Variants in FGF11 observed in about 807,000 individuals in gnomAD.
FGF11 encodes the protein fibroblast growth factor homologous factor 3.
A neutral mutation model predicts 25.1 loss-of-function variants in FGF11; 25 were observed. The observed-to-expected ratio is 1.00, with a 90% confidence interval of 0.73 to 1.39. FGF11 has a LOEUF of 1.39. Ranked by LOEUF, FGF11 falls within the 40% of genes most tolerant of loss-of-function variation. The pLI is 0.00. For synonymous variants in FGF11, 130 were observed against 128.9 expected, an observed-to-expected ratio of 1.01 and a Z score of -0.06; for missense variants, 320 against 311.0, an observed-to-expected ratio of 1.03 and a Z score of -0.22.
rs1908259108 is a variant in FGF11 at position 7,440,280 on chromosome 17, C to G, written c.193+467C>G. 6.5e-6 allele frequency: 1 copy of G among 154,520 alleles called. No homozygotes were observed. Among genetic ancestry groups the G allele is most frequent in the African/African-American group, 2.4e-5 (1 of 41,424 alleles). 9.6% of individuals were successfully genotyped at this position (154,520 alleles called of 1,614,324 possible). A position where few individuals can be genotyped will look rare whatever the true frequency, so the allele number is the denominator to read the frequency against. ...GCTCCTCCACGCCTGGGCTCGGTTC[C>G]TCCTGGTCGAGCTCTGCTGGCTCCG... On this transcript the variant is annotated intron_variant, in intron 1 of 4. Transcript: ENST00000293829. This position sits in a 1 kb window ranked among gnomAD's most constrained non-coding sequence, Gnocchi z 5.4.
chr17:7,441,289 C>A (rs532474547), intron 1 of FGF11, 182 bp from the exon 2 acceptor site: 2 of 762,634 alleles, frequency 2.6e-6, no homozygotes, highest in Non-Finnish European at 2.0e-6. Context: ...AAGGGACCCA[C>A]ACCAGCTTTC....
rs548417562 is a variant in FGF11 at position 7,441,474 on chromosome 17, C to T, written c.197C>T (p.Pro66Leu). 3.1e-6 allele frequency: 5 copies of T among 1,614,128 alleles called. 1 individual carries two copies. Among genetic ancestry groups the T allele is most frequent in the Admixed American group, 1.7e-5 (1 of 60,026 alleles). ...RPARPDRGPEPQLKGIVTKLF... is the reference protein window; with the variant it reads ...RPARPDRGPELQLKGIVTKLF... ...AGATGAATGTCTCTCTCTCCAGAGC[C>T]TCAGCTCAAAGGCATCGTCACCAAA... The change falls in exon 2 of 5, where the codon CCT becomes CTT. Residue 66 changes from proline to leucine, a missense_variant. Transcript: ENST00000293829.
In FGF11 at chr17:7,443,077, G is replaced by A. The variant is rs772998713; in HGVS notation, c.609G>A (p.Val203=). 3.1e-6 allele frequency: 5 copies of A among 1,610,982 alleles called. No homozygotes were observed. The African/African-American group carries it at 6.7e-5, about 22-fold the overall frequency. The part of the protein sequence containing the change: ...AAHFLPKLLE[V]AMYQEPSLHS... ...CTCCTCTCTTTCTCCCCTTCACAGTGGCCATGTACCAGGAGCCTTCTCTCC... is the reference window on the plus strand; with the variant it reads ...CTCCTCTCTTTCTCCCCTTCACAGTAGCCATGTACCAGGAGCCTTCTCTCC... Residue 203 remains valine, a splice_region_variant and synonymous_variant, in exon 5 of 5, where the codon GTG becomes GTA. Coordinates refer to ENST00000293829, the MANE Select transcript of FGF11 (RefSeq NM_004112.4).
chr17:7,439,644 G>C lies in FGF11; in HGVS notation c.24G>C (p.Leu8=). 6.7e-7 allele frequency: 1 copy of C among 1,501,308 alleles called. No homozygotes were observed. Among genetic ancestry groups the C allele is most frequent in the Non-Finnish European group, 8.8e-7 (1 of 1,133,876 alleles). 93.0% of individuals were successfully genotyped at this position (1,501,308 alleles called of 1,614,324 possible). A position where few individuals can be genotyped will look rare whatever the true frequency, so the allele number is the denominator to read the frequency against. MAALASS[L]IRQKREVREP... is the part of the protein sequence containing the mutation. ...CTATGGCGGCGCTGGCCAGTAGCCT[G>C]ATCCGGCAGAAGCGGGAGGTCCGCG... Residue 8 remains leucine (L), a synonymous_variant, in exon 1 of 5, where the codon CTG becomes CTC. Transcript: ENST00000293829.
Position 7,444,911 on chromosome 17 carries a change from C to T in FGF11, c.*1765C>T. On this transcript the variant is annotated 3_prime_UTR_variant, in exon 5 of 5. Transcript: ENST00000293829. ...GATCGGGTCTCCACTCCAGCTTTCTCAATTAAAGACGATTTATACAACTGA... is the reference window on the plus strand; with the variant it reads ...GATCGGGTCTCCACTCCAGCTTTCTTAATTAAAGACGATTTATACAACTGA... 1.7e-6 allele frequency: 1 copy of T among 603,624 alleles called. No homozygotes were observed. The highest frequency in any genetic ancestry group is 2.9e-6 in the Non-Finnish European group (1 of 343,826). The allele number at this position is 603,624 out of a possible 1,614,324, so 37.4% of individuals were successfully genotyped here. A position where few individuals can be genotyped will look rare whatever the true frequency, so the allele number is the denominator to read the frequency against.
rs1466059533 is a variant in FGF11, at chr17:7,442,594, C to A, written c.409C>A (p.Pro137Thr). ...MNAEGLLYSS[P>T]HFTAECRFKE... ...CCTTTCTGGGTCTTTGTCTCCTTAG[C>A]CGCATTTCACAGCTGAGTGTCGCTT... Residue 137 changes from proline (P) to threonine (T), a missense_variant and splice_region_variant, in exon 4 of 5, where the codon CCG becomes ACG. By Grantham distance (38) the Pro-to-Thr change is conservative (BLOSUM62 -1). Transcript: ENST00000293829. 6.2e-7 allele frequency: 1 copy of A among 1,614,180 alleles called. No homozygotes were observed. Among genetic ancestry groups the A allele is most frequent in the Non-Finnish European group, 8.5e-7 (1 of 1,180,024 alleles).
At chr17:7,439,454 G>C (rs1202986574), upstream of FGF11, 4 of 511,298 alleles carry the variant, frequency 7.8e-6, no homozygotes, top group South Asian at 5.9e-5. Context: ...TGCTGTGGAG[G>C]GGGGTACGTG....
chr17:7,441,690 C>A (rs1462369241), intron 2 of FGF11, 86 bp from the exon 3 acceptor site: 4 of 1,571,774 alleles, frequency 2.5e-6, no homozygotes, highest in Non-Finnish European at 3.5e-6. Context: ...TTCCTGACCT[C>A]TAAGGGAAAA....
At chr17:7,442,268 CTTTT>C in intron 3 of FGF11, 2 of 290,214 alleles carry the variant, frequency 6.9e-6, no homozygotes, top group Non-Finnish European at 1.2e-5. Flanking sequence ...AAGTCTAGTT[CTTTT>C]TTTTTTTTTT....
chr17:7,442,531 C>T, intron 3 of FGF11, 63 bp from the exon 4 acceptor site: 1 of 1,609,162 alleles, frequency 6.2e-7, no homozygotes, highest in Non-Finnish European at 8.5e-7. Flanking sequence ...CTCCTTTCTG[C>T]CCAGTGATGT....
At chr17:7,441,343 A>C (rs953752901) in intron 1 of FGF11, 128 bp from the exon 2 acceptor site, 2 of 1,307,916 alleles carry the variant, frequency 1.5e-6, no homozygotes. Context: ...TTGGAGGATA[A>C]GAGAGCTGGG....
upstream of FGF11, among the ~76,000 whole-genome samples, chr17:7,438,715 C>G (rs950470471): frequency 2.0e-5 from 3 of 152,214 alleles, no homozygotes; most frequent in Admixed American, 1.3e-4. Context: ...GGCGTGGGAT[C>G]TAAACAGCAC....
chr17:7,440,165 CG>C lies in FGF11; in HGVS notation c.193+357del, dbSNP rs1597742246. 2 of 214,580 alleles carry C rather than the reference CG, an allele frequency of 9.3e-6. No homozygotes were observed. The highest frequency in any genetic ancestry group is 2.3e-5 in the African/African-American group (1 of 43,706). 13.3% of individuals were successfully genotyped at this position (214,580 alleles called of 1,614,324 possible). On this transcript the variant is annotated intron_variant, in intron 1 of 4. Coordinates refer to ENST00000293829, the MANE Select transcript of FGF11 (RefSeq NM_004112.4). This position sits in a 1 kb window ranked among gnomAD's most constrained non-coding sequence, Gnocchi z 5.4. ...TCTTTCAATCTGGAGCGGAGGGGCC[CG>C]GGGGTTTCCAGATGCCTGGGTCACC...
intron 4 of FGF11, 133 bp from the exon 5 acceptor site, chr17:7,442,943 G>A: frequency 8.7e-7 from 1 of 1,148,860 alleles, no homozygotes; most frequent in South Asian, 1.3e-5. Context: ...GGGTTTGGGT[G>A]CGGTCCTCCT....
rs764881955 is a variant in FGF11, at chr17:7,443,071, C to T, written c.608-5C>T. 6.2e-7 allele frequency: 1 copy of T among 1,609,770 alleles called. No individual in the cohort carries two copies. Among genetic ancestry groups the T allele is most frequent in the Non-Finnish European group, 8.5e-7 (1 of 1,176,432 alleles). On this transcript the variant is annotated splice_region_variant and splice_polypyrimidine_tract_variant and intron_variant, in intron 4 of 4. Coordinates refer to ENST00000293829, the MANE Select transcript of FGF11 (RefSeq NM_004112.4). Reference sequence around the variant, plus strand: ...TCCCTGCTCCTCTCTTTCTCCCCTTCACAGTGGCCATGTACCAGGAGCCTT... The same window carrying T: ...TCCCTGCTCCTCTCTTTCTCCCCTTTACAGTGGCCATGTACCAGGAGCCTT...
At chr17:7,439,370 G>A, upstream of FGF11, 1 of 391,816 alleles carries the variant, frequency 2.6e-6, no homozygotes, top group Non-Finnish European at 4.5e-6. Context: ...AAACTCGAGG[G>A]TGGGATCCAC....
At position 7,441,542 on chromosome 17, in the gene FGF11, G is replaced by A. The variant is rs754216280; in HGVS notation, c.265G>A (p.Gly89Arg). 2.6e-5 allele frequency: 42 copies of A among 1,614,032 alleles called. No homozygotes were observed. Among genetic ancestry groups the A allele is most frequent in the Non-Finnish European group, 3.0e-5 (35 of 1,180,042 alleles). Residue 89 changes from glycine (G) to arginine (R), a missense_variant, in exon 2 of 5, where the codon GGA becomes AGA. Coordinates refer to ENST00000293829, the MANE Select transcript of FGF11 (RefSeq NM_004112.4). Reference protein sequence around the residue: ...QGFYLQANPDGSIQGTPEDTS... With the variant: ...QGFYLQANPDRSIQGTPEDTS... ...TTTCTACCTCCAGGCGAATCCCGAC[G>A]GAAGCATCCAGGGCACCCCAGAGGA...
At chr17:7,439,360 A>C, upstream of FGF11, 1 of 355,810 alleles carries the variant, frequency 2.8e-6, no homozygotes, top group Non-Finnish European at 5.1e-6. Flanking sequence ...ATAGGAGGCA[A>C]AACTCGAGGG....
At position 7,444,864 on chromosome 17, in the gene FGF11, A is replaced by G. The variant is rs932193683; in HGVS notation, c.*1718A>G. ...ACAAACCCCACTCAGTCTCCACCCAACTCCTGGCACTGCTCCCAGGGGATC... is the reference window on the plus strand; with the variant it reads ...ACAAACCCCACTCAGTCTCCACCCAGCTCCTGGCACTGCTCCCAGGGGATC... On this transcript the variant is annotated 3_prime_UTR_variant, in exon 5 of 5. Coordinates refer to ENST00000293829, the MANE Select transcript of FGF11 (RefSeq NM_004112.4). The G allele has an allele frequency of 1.7e-6, 1 of 578,758 alleles. No individual in the cohort carries two copies. The highest frequency in any genetic ancestry group is 3.1e-6 in the Non-Finnish European group (1 of 323,054). The allele number at this position is 578,758 out of a possible 1,614,324, so 35.9% of individuals were successfully genotyped here. A position where few individuals can be genotyped will look rare whatever the true frequency, so the allele number is the denominator to read the frequency against.
Sources: allele counts gnomAD v4.1 joint callset (sites outside exome capture counted in the v4.1 genomes callset), GRCh38; gene constraint gnomAD v4.1.1; non-coding constraint Gnocchi (gnomAD v3.1); transcripts MANE v1.5; gene names NCBI Gene and HGNC (gene_info 2026-07-23, HGNC 2026-07-21).